DLGAP2: variants seen among roughly 807,000 people sequenced by gnomAD.
DLGAP2 encodes the protein DLG associated protein 2.
Under a neutral mutation model 100.3 loss-of-function variants are expected in DLGAP2, and 26 were observed. The observed-to-expected ratio is 0.26, with a 90% CI of 0.19 to 0.36. The LOEUF (loss-of-function observed/expected upper bound fraction) is 0.36, where lower values mean the gene tolerates loss of function less well. Among genes scored for constraint, DLGAP2 ranks in the 10% least tolerant of loss-of-function variants. The pLI is 1.00. For synonymous variants in DLGAP2, 886 were observed against 630.1 expected (o/e 1.41, Z -6.08); for missense variants, 1,858 against 1,453.2 (o/e 1.28, Z -4.53).
intron 3 of DLGAP2, among the ~76,000 whole-genome samples, chr8:1,261,389 C>T (rs1346960894): frequency 2.7e-5 from 4 of 149,864 alleles, no homozygotes; most frequent in Non-Finnish European, 4.4e-5. Context: ...TAAAATGAGA[C>T]AGACTGGGAG....
intron 6 of DLGAP2, among the ~76,000 whole-genome samples, chr8:1,581,032 C>G (rs1343913181): frequency 2.7e-5 from 4 of 148,560 alleles, no homozygotes; most frequent in Non-Finnish European, 5.9e-5. Context: ...ACACCACAGT[C>G]AAACTACCAG....
At chr8:1,503,662 C>G (rs187060963) in intron 4 of DLGAP2, among the ~76,000 whole-genome samples, 2 of 152,122 alleles carry the variant, frequency 1.3e-5, no homozygotes, top group African/African-American at 4.8e-5. Context: ...CATGGTGAAG[C>G]GATGCTTCCT....
intron 2 of DLGAP2, among the ~76,000 whole-genome samples, chr8:1,235,131 CTTCCCT>C (rs1563269985): frequency 1.7e-3 from 38 of 22,394 alleles, no homozygotes; most frequent in African/African-American, 3.9e-3. Flanking sequence ...GTCGTGTCTG[CTTCCCT>C]CACACGTGGC....
intron 2 of DLGAP2, among the ~76,000 whole-genome samples, chr8:1,086,542 GAC>G (rs1235533799): frequency 1.3e-5 from 2 of 152,122 alleles, no homozygotes; most frequent in African/African-American, 2.4e-5. Context: ...CATTTTGAAG[GAC>G]ACACAGCCTG....
At chr8:1,187,655 C>T (rs567805435) in intron 2 of DLGAP2, among the ~76,000 whole-genome samples, 16 of 140,120 alleles carry the variant, frequency 1.1e-4, no homozygotes, top group Admixed American at 1.1e-3. Context: ...TGGAATCTCA[C>T]GTGCCCGGGA....
chr8:1,162,057 G>C (rs965963630), intron 2 of DLGAP2, among the ~76,000 whole-genome samples: 3 of 152,208 alleles, frequency 2.0e-5, no homozygotes, highest in African/African-American at 7.2e-5. Flanking sequence ...CGGAGCCTGC[G>C]TTTGCAGCAG....
At chr8:1,683,988 A>ATATATATATATATATATAT (rs1799045669) in intron 12 of DLGAP2, among the ~76,000 whole-genome samples, 1 of 52,006 alleles carries the variant, frequency 1.9e-5, no homozygotes, top group Admixed American at 1.9e-4. Context: ...ATATATATAT[A>ATATATATATATATATATAT]CTTTTTTTTT....
At chr8:1,093,966 A>C (rs73524633) in intron 2 of DLGAP2, among the ~76,000 whole-genome samples, 7,476 of 121,668 alleles carry the variant, frequency 0.061, 226 homozygotes, top group African/African-American at 0.075. Flanking sequence ...GATGGATTGA[A>C]GTCCATGCAG....
chr8:1,685,945 C>T (rs758810441), intron 12 of DLGAP2, among the ~76,000 whole-genome samples: 23 of 152,160 alleles, frequency 1.5e-4, no homozygotes, highest in South Asian at 6.2e-4. Flanking sequence ...GTCACAGGTG[C>T]GGAGTAAGGG....
chr8:1,087,115 T>A (rs1803998987), intron 2 of DLGAP2, among the ~76,000 whole-genome samples: 1 of 152,124 alleles, frequency 6.6e-6, no homozygotes, highest in Non-Finnish European at 1.5e-5. Context: ...AGAAAATTCA[T>A]AAATAGATAA....
intron 2 of DLGAP2, among the ~76,000 whole-genome samples, chr8:1,241,451 C>T (rs954453018): frequency 6.6e-6 from 1 of 152,230 alleles, no homozygotes; most frequent in Non-Finnish European, 1.5e-5. Context: ...CTCTCTCACA[C>T]CCTGACGCGT....
intron 6 of DLGAP2, among the ~76,000 whole-genome samples, chr8:1,575,063 G>A (rs1802910411): frequency 6.6e-6 from 1 of 152,128 alleles, no homozygotes; most frequent in Non-Finnish European, 1.5e-5. Flanking sequence ...TCATAATAAC[G>A]CACAACAAGA....
chr8:1,203,019 C>T (rs986506139), intron 2 of DLGAP2, among the ~76,000 whole-genome samples: 2 of 152,216 alleles, frequency 1.3e-5, no homozygotes, highest in Non-Finnish European at 2.9e-5. Context: ...CCACCCCATC[C>T]ATCTGCCGGG....
rs568289943 is a variant in DLGAP2 at position 1,373,175 on chromosome 8, C to G, written c.106+114292C>G. Among the ~76,000 whole-genome samples, 11 of 152,264 alleles carry G rather than the reference C, an allele frequency of 7.2e-5. No individual in the cohort carries two copies. The South Asian group carries it at 2.3e-3, about 32-fold the overall frequency. ...GTCTCATTTGCTTTGGCCGTTGGAG[C>G]GTTTGCATTTGCTGCCGTTTGCTTG... On this transcript the variant is annotated intron_variant, in intron 3 of 14. Transcript: ENST00000637795.
intron 1 of DLGAP2, among the ~76,000 whole-genome samples, chr8:779,804 C>T (rs1035296488): frequency 1.3e-5 from 2 of 152,036 alleles, no homozygotes; most frequent in African/African-American, 2.4e-5. Context: ...ATTGCATAGT[C>T]TTCCAGTCTT....
intron 2 of DLGAP2, among the ~76,000 whole-genome samples, chr8:1,025,705 T>C (rs774150922): frequency 9.2e-5 from 14 of 152,000 alleles, no homozygotes; most frequent in Middle Eastern, 3.2e-3. Context: ...TTATAAATTT[T>C]AGGTTATTTG....
intron 2 of DLGAP2, among the ~76,000 whole-genome samples, chr8:1,222,491 A>T (rs1347935078): frequency 1.3e-5 from 2 of 152,068 alleles, no homozygotes; most frequent in Non-Finnish European, 2.9e-5. Flanking sequence ...ACTGGTAACG[A>T]CACTCCAGTG....
At position 1,701,203 on chromosome 8, in the gene DLGAP2, C is replaced by G. The variant is rs375910501; in HGVS notation, c.2965C>G (p.Pro989Ala). ...TGCTTTTCAGGAAGAAAGAAAGGTC[C>G]CGCCTCCAATACCAAAGAAGCCTCC... ...SPERKEERKV[P>A]PPIPKKPPKG... Residue 989 changes from proline to alanine, a missense_variant, in exon 15 of 15, where the codon CCG (proline) becomes GCG (alanine). Coordinates refer to ENST00000637795, the MANE Select transcript of DLGAP2 (RefSeq NM_001346810.2). The G allele has an allele frequency of 1.7e-5, 27 of 1,565,866 alleles. No individual in the cohort carries two copies. The African/African-American group carries it at 3.3e-4, about 19-fold the overall frequency.
intron 4 of DLGAP2, among the ~76,000 whole-genome samples, chr8:1,509,296 G>C (rs186441383): frequency 1.4e-5 from 2 of 148,068 alleles, no homozygotes; most frequent in African/African-American, 5.0e-5. Context: ...ACGCCTCTGT[G>C]CTCCGGCCTG....
Sources: gnomAD v4.1 joint callset for allele counts (sites outside exome capture counted in the v4.1 genomes callset) on GRCh38, gnomAD v4.1.1 for gene constraint, MANE v1.5 for transcripts, NCBI Gene and HGNC (gene_info 2026-07-23, HGNC 2026-07-21) for gene names.